Variants in DTD1 observed in about 807,000 individuals in gnomAD.
DTD1 encodes D-aminoacyl-tRNA deacylase 1.
Under a neutral mutation model 25.6 loss-of-function variants are expected in DTD1, and 13 were observed. The observed-to-expected ratio is 0.51, with a 90% CI of 0.33 to 0.81. The LOEUF is 0.81. Among genes scored for constraint, DTD1 ranks in the 30% least tolerant of loss-of-function variants. The probability of loss-of-function intolerance (pLI) is 0.02; values close to 1 mark genes in which losing one functional copy is unlikely to be tolerated. For synonymous variants in DTD1, 110 were observed against 103.6 expected, an observed-to-expected ratio of 1.06 and a Z score of -0.37; for missense variants, 193 against 266.4, an observed-to-expected ratio of 0.72 and a Z score of 1.92.
intron 4 of DTD1, among the ~76,000 whole-genome samples, chr20:18,722,584 T>C (rs2061208444): frequency 6.6e-6 from 1 of 152,240 alleles, no homozygotes; most frequent in Non-Finnish European, 1.5e-5. Context: ...GTGTTTTTTA[T>C]TGACTCATTC....
At chr20:18,761,922 C>A (rs572044813) in intron 5 of DTD1, among the ~76,000 whole-genome samples, 1 of 152,232 alleles carries the variant, frequency 6.6e-6, no homozygotes, top group South Asian at 2.1e-4. Flanking sequence ...TGTCTGTTCT[C>A]CACCCACTGG....
intron 1 of DTD1, among the ~76,000 whole-genome samples, chr20:18,591,249 T>G (rs2060588099): frequency 6.6e-6 from 1 of 152,216 alleles, no homozygotes; most frequent in South Asian, 2.1e-4. Flanking sequence ...CCATAATTTG[T>G]TTCATGTTAA....
intron 4 of DTD1, among the ~76,000 whole-genome samples, chr20:18,694,064 G>A (rs914190571): frequency 6.6e-6 from 1 of 152,236 alleles, no homozygotes; most frequent in Admixed American, 6.5e-5. Flanking sequence ...CACCATGGTC[G>A]ACCTTTCTGG....
chr20:18,595,760 G>A (rs774480226), intron 2 of DTD1, among the ~76,000 whole-genome samples: 2 of 152,120 alleles, frequency 1.3e-5, no homozygotes, highest in Admixed American at 6.5e-5. Flanking sequence ...GAACTGGAGC[G>A]ACTGGCAAAA....
intron 3 of DTD1, among the ~76,000 whole-genome samples, chr20:18,607,271 C>G (rs978682584): frequency 6.6e-6 from 1 of 152,150 alleles, no homozygotes; most frequent in African/African-American, 2.4e-5. Context: ...AAACGATTCT[C>G]ATACCTCAGC....
At chr20:18,695,560 TC>T (rs1568672000) in intron 4 of DTD1, among the ~76,000 whole-genome samples, 2 of 11,762 alleles carry the variant, frequency 1.7e-4, no homozygotes, top group Non-Finnish European at 2.9e-4. Context: ...CCTTCCCTTC[TC>T]TTCCCCTCCA....
At chr20:18,664,587 G>A (rs2060924413) in intron 4 of DTD1, among the ~76,000 whole-genome samples, 1 of 152,170 alleles carries the variant, frequency 6.6e-6, no homozygotes, top group Non-Finnish European at 1.5e-5. Flanking sequence ...GGCCAGGGGT[G>A]ATGGGGGCTG....
intron 5 of DTD1, among the ~76,000 whole-genome samples, chr20:18,753,334 G>C (rs1298138428): frequency 1.3e-5 from 2 of 152,108 alleles, no homozygotes; most frequent in Non-Finnish European, 2.9e-5. Flanking sequence ...TTGGCTGGGT[G>C]TGGTGGCTTA....
chr20:18,747,510 G>A (rs1039249482), intron 5 of DTD1, among the ~76,000 whole-genome samples: 9 of 152,196 alleles, frequency 5.9e-5, no homozygotes, highest in African/African-American at 2.2e-4. Flanking sequence ...AATGAAAGGT[G>A]CAGGGACTGT....
chr20:18,642,421 T>C (rs2060832475), intron 4 of DTD1, among the ~76,000 whole-genome samples: 1 of 152,144 alleles, frequency 6.6e-6, no homozygotes, highest in Admixed American at 6.5e-5. Context: ...CCTACAGTTC[T>C]TTTTATTTAT....
At chr20:18,733,691 G>C (rs1227108079) in intron 4 of DTD1, among the ~76,000 whole-genome samples, 1 of 152,112 alleles carries the variant, frequency 6.6e-6, no homozygotes, top group African/African-American at 2.4e-5. Context: ...TACTTAAAAG[G>C]GTTCTTTCAA....
At chr20:18,685,228 A>G (rs567994679) in intron 4 of DTD1, among the ~76,000 whole-genome samples, 1 of 152,186 alleles carries the variant, frequency 6.6e-6, no homozygotes, top group South Asian at 2.1e-4. Context: ...AGGAAAGAGG[A>G]AGGCTAGAAG....
chr20:18,614,573 A>G (rs968593916), intron 3 of DTD1, among the ~76,000 whole-genome samples: 1 of 152,146 alleles, frequency 6.6e-6, no homozygotes, highest in African/African-American at 2.4e-5. Context: ...GAGAGACCAC[A>G]TTGCTGAAAA....
At chr20:18,748,878 G>A (rs1051652888) in intron 5 of DTD1, among the ~76,000 whole-genome samples, 2 of 152,210 alleles carry the variant, frequency 1.3e-5, no homozygotes, top group Admixed American at 6.5e-5. Context: ...GCCAGCCACA[G>A]AGGGGAGGCA....
chr20:18,708,956 C>T (rs1409762759), intron 4 of DTD1, among the ~76,000 whole-genome samples: 1 of 152,188 alleles, frequency 6.6e-6, no homozygotes, highest in African/African-American at 2.4e-5. Flanking sequence ...AATACAGCTT[C>T]AAGACTGGAC....
intron 4 of DTD1, among the ~76,000 whole-genome samples, chr20:18,686,647 T>TGC (rs1491351600): frequency 1.5e-4 from 2 of 12,972 alleles, no homozygotes; most frequent in African/African-American, 3.3e-4. Flanking sequence ...ATTTATTAGC[T>TGC]GTGTGTGTGT....
At chr20:18,761,857 T>G (rs1600228458) in intron 5 of DTD1, among the ~76,000 whole-genome samples, 1 of 152,194 alleles carries the variant, frequency 6.6e-6, no homozygotes, top group East Asian at 1.9e-4. Context: ...TAAGAACAAA[T>G]GGGTTGTTTC....
rs2061370739 is a variant in DTD1 at position 18,763,525 on chromosome 20, T to C, written c.*185T>C. ...CAAAGGACCGTTTTATCGTTTTCTG[T>C]TGTTGCTGTGGTGGAGTGATGCAGT... On this transcript the variant is annotated 3_prime_UTR_variant, in exon 6 of 6. Coordinates refer to ENST00000377452, the MANE Select transcript of DTD1 (RefSeq NM_080820.6). The C allele has an allele frequency of 6.5e-6, 1 of 152,712 alleles. No individual in the cohort carries two copies. The highest frequency in any genetic ancestry group is 2.4e-5 in the African/African-American group (1 of 41,462). The allele number at this position is 152,712 out of a possible 1,614,324, so 9.5% of individuals were successfully genotyped here.
chr20:18,694,690 G>A (rs1318526988), intron 4 of DTD1, among the ~76,000 whole-genome samples: 1 of 152,168 alleles, frequency 6.6e-6, no homozygotes, highest in Non-Finnish European at 1.5e-5. Context: ...AGGGGGACAT[G>A]CCTCGGTGAG....
Sources: gnomAD v4.1 joint callset for allele counts (sites outside exome capture counted in the v4.1 genomes callset) on GRCh38, gnomAD v4.1.1 for gene constraint, MANE v1.5 for transcripts, NCBI Gene and HGNC (gene_info 2026-07-23, HGNC 2026-07-21) for gene names.